CLVS1: variants seen among roughly 807,000 people sequenced by gnomAD.
The protein encoded by CLVS1 is clavesin-1.
A neutral mutation model predicts 33.1 loss-of-function variants in CLVS1; 10 were observed. That is an observed-to-expected ratio of 0.30 (90% CI 0.19 to 0.51). The LOEUF is 0.51. Ranked by LOEUF, CLVS1 falls within the 20% of genes least tolerant of loss-of-function variation. The probability of loss-of-function intolerance (pLI) is 0.97; values close to 1 mark genes in which losing one functional copy is unlikely to be tolerated. For synonymous variants in CLVS1, 163 were observed against 166.1 expected (o/e 0.98, Z 0.14); for missense variants, 343 against 433.4 (o/e 0.79, Z 1.85).
intron 2 of CLVS1, among the ~76,000 whole-genome samples, chr8:61,348,796 G>T (rs1434359137): frequency 6.6e-6 from 1 of 152,028 alleles, no homozygotes; most frequent in Non-Finnish European, 1.5e-5. Context: ...AGGAACTTTT[G>T]TACTGTTTTT....
At chr8:61,232,023 G>GTTTGTTTGTTTTTTTTTTTTTTTT in intron 2 of CLVS1, among the ~76,000 whole-genome samples, 2 of 62,628 alleles carry the variant, frequency 3.2e-5, no homozygotes, top group African/African-American at 9.5e-5. Flanking sequence ...GAAAGTTGTG[G>GTTTGTTTGTTTTTTTTTTTTTTTT]TTTTTTTTTT....
the CLVS1 span, among the ~76,000 whole-genome samples, chr8:61,002,301 G>T: frequency 7.1e-6 from 1 of 140,342 alleles, no homozygotes; most frequent in Non-Finnish European, 1.5e-5. Context: ...ACTTTAACAT[G>T]TATTCTAGTT....
chr8:61,399,634 C>G (rs777819451), intron 3 of CLVS1, among the ~76,000 whole-genome samples: 18 of 152,162 alleles, frequency 1.2e-4, no homozygotes, highest in Admixed American at 4.6e-4. Context: ...AATGGTATTG[C>G]CTATATTTTC....
At chr8:60,976,282 CT>C in the CLVS1 span, among the ~76,000 whole-genome samples, 47 of 152,080 alleles carry the variant, frequency 3.1e-4, no homozygotes, top group African/African-American at 1.0e-3. Flanking sequence ...TGAAAAAATG[CT>C]TTTTCATGTT....
chr8:61,231,306 A>ACACACACACACACACT (rs1018645839), intron 2 of CLVS1, among the ~76,000 whole-genome samples: 183 of 151,222 alleles, frequency 1.2e-3, no homozygotes, highest in African/African-American at 4.1e-3. Flanking sequence ...ACACACACAC[A>ACACACACACACACACT]CTCTAATATT....
chr8:61,084,961 T>TA (rs1352302567), intron 1 of CLVS1, among the ~76,000 whole-genome samples: 9 of 152,298 alleles, frequency 5.9e-5, no homozygotes, highest in Non-Finnish European at 1.0e-4. Flanking sequence ...TGTTTTCACA[T>TA]AATAGTACAA....
chr8:61,437,320 A>G (rs112950670), intron 3 of CLVS1, among the ~76,000 whole-genome samples: 6 of 152,326 alleles, frequency 3.9e-5, no homozygotes, highest in African/African-American at 1.4e-4. Context: ...TTATTTTATT[A>G]TGCAAATAAA....
rs574175905 is a variant in CLVS1 at position 61,331,935 on chromosome 8, CA to C, written c.455+31656del. Among the ~76,000 whole-genome samples the C allele has an allele frequency of 2.3e-4, 35 of 152,022 alleles. No homozygotes were observed. In the South Asian group the frequency reaches 5.2e-3, roughly 23 times the overall value. ...TCATGTGTCACTGATTCCTGGCTGA[CA>C]AATCATCCCTTGGATGGGGTGCACT... On this transcript the variant is annotated intron_variant, in intron 2 of 5. Transcript: ENST00000325897.
the CLVS1 span, among the ~76,000 whole-genome samples, chr8:60,978,547 G>A: frequency 5.9e-5 from 9 of 152,138 alleles, no homozygotes; most frequent in Non-Finnish European, 7.4e-5. Flanking sequence ...AGGTGCAGTG[G>A]CTCATGCCTG....
At chr8:61,274,461 T>C (rs996324291) in intron 2 of CLVS1, among the ~76,000 whole-genome samples, 1 of 152,218 alleles carries the variant, frequency 6.6e-6, no homozygotes, top group African/African-American at 2.4e-5. Flanking sequence ...AAGGATGTAC[T>C]TAATTCTTTT....
intron 2 of CLVS1, among the ~76,000 whole-genome samples, chr8:61,308,677 C>G (rs906592855): frequency 6.6e-6 from 1 of 152,082 alleles, no homozygotes; most frequent in African/African-American, 2.4e-5. Context: ...GGAGAGCCCT[C>G]GATGGAGACT....
At chr8:61,360,465 AAC>A (rs1812929592) in intron 2 of CLVS1, among the ~76,000 whole-genome samples, 1 of 152,136 alleles carries the variant, frequency 6.6e-6, no homozygotes, top group Admixed American at 6.5e-5. Flanking sequence ...ATCAATCAAA[AAC>A]ACAAATATTA....
chr8:61,434,194 A>G (rs753503120), intron 3 of CLVS1, among the ~76,000 whole-genome samples: 47 of 152,222 alleles, frequency 3.1e-4, no homozygotes, highest in Non-Finnish European at 6.5e-4. Context: ...CCAGACCCAA[A>G]TTTTAGCAAC....
At chr8:61,353,786 C>T (rs1319320886) in intron 2 of CLVS1, among the ~76,000 whole-genome samples, 1 of 149,950 alleles carries the variant, frequency 6.7e-6, no homozygotes, top group Non-Finnish European at 1.5e-5. Context: ...AATAGAAAAT[C>T]CATGCAAAAA....
intron 2 of CLVS1, among the ~76,000 whole-genome samples, chr8:61,179,307 A>G (rs1460108241): frequency 6.6e-6 from 1 of 152,224 alleles, no homozygotes; most frequent in Non-Finnish European, 1.5e-5. Flanking sequence ...CTAAATATAT[A>G]TGCATCCAAT....
At chr8:61,114,920 G>C (rs1456045132) in intron 1 of CLVS1, among the ~76,000 whole-genome samples, 1 of 152,154 alleles carries the variant, frequency 6.6e-6, no homozygotes, top group African/African-American at 2.4e-5. Context: ...AGATGGCACT[G>C]GAAGATCAGA....
chr8:61,059,398 T>C (rs2129277481), intron 1 of CLVS1, among the ~76,000 whole-genome samples: 1 of 149,054 alleles, frequency 6.7e-6, no homozygotes. Flanking sequence ...TTCCTGAGTG[T>C]TGAGTGTTCT....
At chr8:61,029,969 G>C in the CLVS1 span, among the ~76,000 whole-genome samples, 1 of 152,168 alleles carries the variant, frequency 6.6e-6, no homozygotes, top group Non-Finnish European at 1.5e-5. Context: ...ATGTAGAAAA[G>C]TCGAGGTGTG....
At chr8:61,440,215 G>A (rs886907931) in intron 3 of CLVS1, among the ~76,000 whole-genome samples, 2 of 152,154 alleles carry the variant, frequency 1.3e-5, no homozygotes, top group African/African-American at 2.4e-5. Context: ...ACTACTTGTT[G>A]AATTATTGAA....
Sources: allele counts gnomAD v4.1 joint callset (sites outside exome capture counted in the v4.1 genomes callset), GRCh38; gene constraint gnomAD v4.1.1; transcripts MANE v1.5; gene names NCBI Gene and HGNC (gene_info 2026-07-23, HGNC 2026-07-21).